Variants in WDR59 observed in about 807,000 individuals in gnomAD.
WDR59 encodes the protein GATOR2 complex protein WDR59.
A neutral mutation model predicts 131.2 loss-of-function variants in WDR59; 100 were observed. The ratio of observed to expected loss-of-function variants is 0.76; its 90% CI spans 0.65 to 0.90. The LOEUF (loss-of-function observed/expected upper bound fraction) is 0.90. Ranked by LOEUF, WDR59 falls within the 40% of genes least tolerant of loss-of-function variation. The probability of loss-of-function intolerance (pLI) is 0.00; values close to 1 mark genes in which losing one functional copy is unlikely to be tolerated. For missense variants in WDR59, 1,203 were observed against 1,262.2 expected (o/e 0.95, Z 0.71); for synonymous variants, 601 against 466.2 (o/e 1.29, Z -3.72).
At chr16:74,981,900 C>T (rs1271610399) in intron 1 of WDR59, among the ~76,000 whole-genome samples, 1 of 135,996 alleles carries the variant, frequency 7.4e-6, no homozygotes, top group African/African-American at 2.7e-5. Context: ...AGGTGATCCG[C>T]CTACCTCGGC....
chr16:74,938,339 T>C, intron 7 of WDR59, 73 bp from the exon 8 acceptor site: 3 of 1,078,042 alleles, frequency 2.8e-6, no homozygotes, highest in African/African-American at 3.3e-5. Context: ...AAAAGTCTGC[T>C]AGGTAGTGAG....
Position 74,942,718 on chromosome 16 carries a change from C to A in WDR59, c.534+20G>T. 1 of 1,611,448 alleles carries A rather than the reference C, an allele frequency of 6.2e-7. No individual in the cohort carries two copies. The highest frequency in any genetic ancestry group is 8.5e-7 in the Non-Finnish European group (1 of 1,177,930). On this transcript the variant is annotated intron_variant, in intron 7 of 25. Transcript: ENST00000262144. ...GGGAGGGATCAAAGACCAATAAGGGCGAAAAAAGAGATTACTCACCCTCTT... is the reference window on the plus strand; with the variant it reads ...GGGAGGGATCAAAGACCAATAAGGGAGAAAAAAGAGATTACTCACCCTCTT...
Position 74,885,671 on chromosome 16 carries a change from CAGG to C in WDR59, c.2668_2670del (p.Pro890del). The C allele has an allele frequency of 1.2e-6, 2 of 1,613,948 alleles. No homozygotes were observed. Among genetic ancestry groups the C allele is most frequent in the East Asian group, 2.2e-5 (1 of 44,860 alleles). ...TACTCACCGATCCCTTTGTGAGGGT[CAGG>C]AGGACAGGAGACAAACTTCAACACT... On this transcript the variant is annotated inframe_deletion, in exon 25 of 26. Transcript: ENST00000262144.
At chr16:74,888,028 G>A in intron 22 of WDR59, 141 bp downstream of exon 22, 1 of 1,114,544 alleles carries the variant, frequency 9.0e-7, no homozygotes. Context: ...TGAGGCACGA[G>A]AATTGCTTGA....
chr16:74,971,855 C>T (rs1233123567), intron 1 of WDR59, among the ~76,000 whole-genome samples: 2 of 152,082 alleles, frequency 1.3e-5, no homozygotes. Flanking sequence ...ACTACAGATG[C>T]ACACCACCAC....
Position 74,909,817 on chromosome 16 carries a change from C to A in WDR59, c.1485+5G>T, listed in dbSNP as rs186359057. ...AAGTTGGTATGACAGTTTCATGCTT[C>A]CCACCACAAAGGACTCAAGGCAGGA... On this transcript the variant is annotated splice_donor_5th_base_variant and intron_variant, in intron 15 of 25. Coordinates refer to ENST00000262144, the MANE Select transcript of WDR59 (RefSeq NM_030581.4). The A allele has an allele frequency of 6.2e-6, 10 of 1,609,430 alleles. No individual in the cohort carries two copies. In the South Asian group the frequency reaches 1.1e-4, roughly 18 times the overall value.
chr16:74,959,020 T>G (rs1323440607), intron 2 of WDR59, among the ~76,000 whole-genome samples: 2 of 151,776 alleles, frequency 1.3e-5, no homozygotes, highest in South Asian at 4.2e-4. Flanking sequence ...GATCGCACCA[T>G]TGCACTCCAG....
intron 8 of WDR59, among the ~76,000 whole-genome samples, chr16:74,928,529 T>C (rs921704036): frequency 5.9e-5 from 9 of 151,948 alleles, no homozygotes; most frequent in African/African-American, 2.2e-4. Flanking sequence ...TTTTTCCCTG[T>C]TCTTGTAAGG....
At chr16:74,903,829 T>A (rs1175867059) in intron 18 of WDR59, 118 bp downstream of exon 18, 31 of 1,275,708 alleles carry the variant, frequency 2.4e-5, no homozygotes, top group South Asian at 2.3e-4. Flanking sequence ...AACAAACTGA[T>A]TACGAAAGTG....
intron 13 of WDR59, among the ~76,000 whole-genome samples, chr16:74,914,851 C>A (rs1011717060): frequency 6.6e-6 from 1 of 152,180 alleles, no homozygotes; most frequent in African/African-American, 2.4e-5. Flanking sequence ...CTTGGCCTCC[C>A]AAAGTGCTGG....
rs777732079 is a variant in WDR59 at position 74,886,177 on chromosome 16, C to CAAAAAAAAAAAAAAAAAAAAA, written c.2546+92_2546+93insTTTTTTTTTTTTTTTTTTTTT. 147 of 1,018,758 alleles carry CAAAAAAAAAAAAAAAAAAAAA rather than the reference C, an allele frequency of 1.4e-4. 3 individuals are homozygous for CAAAAAAAAAAAAAAAAAAAAA. The African/African-American group carries it at 1.5e-3, about 10-fold the overall frequency. The allele number at this position is 1,018,758 out of a possible 1,614,324, so 63.1% of individuals were successfully genotyped here. On this transcript the variant is annotated intron_variant, in intron 24 of 25. Transcript: ENST00000262144. ...TAGTGACCGGGTAAGATTCTGTGTC[C>CAAAAAAAAAAAAAAAAAAAAA]AAAAAAAAAAAAAGTAAGAGTTGTG...
In WDR59 at chr16:74,948,540, T is replaced by C. The variant is rs2032792965; in HGVS notation, c.424A>G (p.Thr142Ala). The change falls in exon 6 of 26, where the codon ACT becomes GCT. Residue 142 changes from threonine (T) to alanine (A), a missense_variant. Physicochemically the swap from Thr to Ala is moderately conservative, Grantham distance 58. Transcript: ENST00000262144. The stretch of plus-strand genomic sequence containing the variant: ...TCACCAACAGCAGACAGTGCAACAG[T>C]AGGTTTCCTTGTGTCTCTGAAATAT... Reference protein sequence around the residue: ...IWDIKDTRKPTVALSAVAGAS... With the variant: ...IWDIKDTRKPAVALSAVAGAS... 1 of 1,613,636 alleles carries C rather than the reference T, an allele frequency of 6.2e-7. No homozygotes were observed. Among genetic ancestry groups the C allele is most frequent in the Non-Finnish European group, 8.5e-7 (1 of 1,179,614 alleles).
chr16:74,887,711 T>C lies in WDR59; in HGVS notation c.2391A>G (p.Pro797=). The C allele has an allele frequency of 6.2e-7, 1 of 1,614,148 alleles. No homozygotes were observed. The highest frequency in any genetic ancestry group is 1.1e-5 in the South Asian group (1 of 91,092). Residue 797 remains proline, a synonymous_variant, in exon 23 of 26, where the codon CCA becomes CCG. Coordinates refer to ENST00000262144, the MANE Select transcript of WDR59 (RefSeq NM_030581.4). Reference sequence around the variant, plus strand: ...TGTTCCAGCCGCCAGTGTTGAGCCCTGGGTCTGACATACTGGAGCAGGAAC... The same window carrying C: ...TGTTCCAGCCGCCAGTGTTGAGCCCCGGGTCTGACATACTGGAGCAGGAAC... The part of the protein sequence containing the change: ...SSGSCSSMSD[P]GLNTGGWNIA...
intron 1 of WDR59, among the ~76,000 whole-genome samples, chr16:74,969,770 G>T (rs2033910837): frequency 6.6e-6 from 1 of 151,762 alleles, no homozygotes; most frequent in Non-Finnish European, 1.5e-5. Flanking sequence ...ATGTTTCCCA[G>T]GCTGGTCTTG....
At chr16:74,877,789 C>T (rs578058504) in intron 25 of WDR59, among the ~76,000 whole-genome samples, 1 of 152,210 alleles carries the variant, frequency 6.6e-6, no homozygotes, top group African/African-American at 2.4e-5. Flanking sequence ...AGGTGATCCA[C>T]CTGCCTCGGC....
intron 1 of WDR59, among the ~76,000 whole-genome samples, chr16:74,980,589 G>A (rs888535075): frequency 1.3e-5 from 2 of 151,996 alleles, no homozygotes; most frequent in East Asian, 1.9e-4. Flanking sequence ...CCTGACCTCA[G>A]GTGATCTACC....
intron 9 of WDR59, among the ~76,000 whole-genome samples, chr16:74,923,650 G>C (rs971275720): frequency 6.6e-6 from 1 of 151,912 alleles, no homozygotes; most frequent in African/African-American, 2.4e-5. Flanking sequence ...GCTAATTTTT[G>C]TATTTTTAGT....
chr16:74,975,787 C>G (rs1190914056), intron 1 of WDR59, among the ~76,000 whole-genome samples: 1 of 152,032 alleles, frequency 6.6e-6, no homozygotes, highest in African/African-American at 2.4e-5. Flanking sequence ...TTAACACAGT[C>G]TGGCACGAAA....
At position 74,893,832 on chromosome 16, in the gene WDR59, T is replaced by G. The variant is rs1468670651; in HGVS notation, c.1867-20A>C. ...TGATTTCTAGGGGTAGATGACAGGA[T>G]GTAACTAATGGGGACTTTGACAAGT... On this transcript the variant is annotated intron_variant, in intron 18 of 25. Coordinates refer to ENST00000262144, the MANE Select transcript of WDR59 (RefSeq NM_030581.4). 4 of 1,613,042 alleles carry G rather than the reference T, an allele frequency of 2.5e-6. No homozygotes were observed. Among genetic ancestry groups the G allele is most frequent in the Non-Finnish European group, 3.4e-6 (4 of 1,179,274 alleles).
Sources: allele counts gnomAD v4.1 joint callset (sites outside exome capture counted in the v4.1 genomes callset), GRCh38; gene constraint gnomAD v4.1.1; transcripts MANE v1.5; gene names NCBI Gene and HGNC (gene_info 2026-07-23, HGNC 2026-07-21).